LAMB1: variants seen among roughly 807,000 people sequenced by gnomAD.
LAMB1 encodes laminin subunit beta 1.
In LAMB1, 121 loss-of-function variants were observed where a neutral mutation model predicts 222.3. The ratio of observed to expected loss-of-function variants is 0.54; its 90% CI spans 0.47 to 0.63. The LOEUF is 0.63. Among genes scored for constraint, LAMB1 ranks in the 30% least tolerant of loss-of-function variants. The probability of loss-of-function intolerance (pLI) is 0.00; values close to 1 mark genes in which losing one functional copy is unlikely to be tolerated. For synonymous variants in LAMB1, 794 were observed against 807.2 expected, an observed-to-expected ratio of 0.98 and a Z score of 0.28; for missense variants, 2,172 against 2,240.8, an observed-to-expected ratio of 0.97 and a Z score of 0.62.
At chr7:107,978,016 G>T in intron 9 of LAMB1, 31 bp downstream of exon 9, 1 of 1,613,542 alleles carries the variant, frequency 6.2e-7, no homozygotes, top group Non-Finnish European at 8.5e-7. Flanking sequence ...AGCCTGAATG[G>T]ATTTAAAATG....
chr7:107,928,848 C>G (rs531449895), intron 31 of LAMB1, among the ~76,000 whole-genome samples: 1 of 151,348 alleles, frequency 6.6e-6, no homozygotes, highest in Non-Finnish European at 1.5e-5. Context: ...TGAGATGGGA[C>G]GTAATGGTCC....
intron 26 of LAMB1, 99 bp from the exon 27 acceptor site, chr7:107,935,755 T>C (rs2032833715): frequency 7.7e-7 from 1 of 1,305,182 alleles, no homozygotes; most frequent in East Asian, 2.4e-5. Flanking sequence ...CTAAATTTAC[T>C]GTAAAGTTTT....
Position 107,980,657 on chromosome 7 carries a change from G to A in LAMB1, c.831C>T (p.Ala277=). The part of the protein sequence containing the change: ...VRGNCFCYGH[A]SECAPVDGFN... ...ATCCATCCACAGGGGCACATTCGCT[G>A]GCATGACCATAGCAGAAGCAATTTC... The change falls in exon 8 of 34, where the codon GCC becomes GCT. Residue 277 remains alanine (A), a synonymous_variant. Coordinates refer to ENST00000222399, the MANE Select transcript of LAMB1 (RefSeq NM_002291.3). 6.2e-7 allele frequency: 1 copy of A among 1,614,082 alleles called. No individual in the cohort carries two copies. The highest frequency in any genetic ancestry group is 8.5e-7 in the Non-Finnish European group (1 of 1,180,000).
intron 9 of LAMB1, among the ~76,000 whole-genome samples, chr7:107,976,587 C>CCA (rs1279800180): frequency 6.6e-6 from 1 of 152,138 alleles, no homozygotes; most frequent in Non-Finnish European, 1.5e-5. Flanking sequence ...CTCCAGCCTC[C>CCA]CACCTTGCCT....
At chr7:107,932,084 A>G (rs2032723740) in intron 28 of LAMB1, 90 bp downstream of exon 28, 1 of 1,160,170 alleles carries the variant, frequency 8.6e-7, no homozygotes, top group Admixed American at 1.7e-5. Context: ...TTCAGTTAGC[A>G]TTTAGAATTG....
At chr7:107,974,606 C>A (rs982600392) in intron 12 of LAMB1, among the ~76,000 whole-genome samples, 1 of 152,130 alleles carries the variant, frequency 6.6e-6, no homozygotes, top group Non-Finnish European at 1.5e-5. Context: ...AAAGGGTATG[C>A]CCATTTCTAC....
At chr7:107,979,935 C>T (rs1026709463) in intron 8 of LAMB1, among the ~76,000 whole-genome samples, 1 of 151,996 alleles carries the variant, frequency 6.6e-6, no homozygotes, top group South Asian at 2.1e-4. Context: ...TAGCCAGATA[C>T]GGTGGCACAT....
chr7:107,993,424 A>G (rs997320413), intron 5 of LAMB1, among the ~76,000 whole-genome samples: 58 of 152,220 alleles, frequency 3.8e-4, no homozygotes, highest in African/African-American at 1.3e-3. Context: ...GTGAGCCACC[A>G]CGCCTGGCCC....
At chr7:107,985,142 G>A (rs111674676) in intron 7 of LAMB1, among the ~76,000 whole-genome samples, 2,437 of 152,152 alleles carry the variant, frequency 0.016, 68 homozygotes, top group African/African-American at 0.055. Context: ...ATCTTATATC[G>A]GATGTATTGT....
chr7:107,958,105 G>A (rs1268178414), intron 20 of LAMB1, among the ~76,000 whole-genome samples: 1 of 152,070 alleles, frequency 6.6e-6, no homozygotes, highest in African/African-American at 2.4e-5. Flanking sequence ...TTTTTCTCAT[G>A]TCTTTCTCTG....
intron 12 of LAMB1, 105 bp from the exon 13 acceptor site, chr7:107,973,176 C>T: frequency 1.1e-6 from 1 of 887,492 alleles, no homozygotes; most frequent in Middle Eastern, 2.3e-4. Context: ...ACCAAATGCT[C>T]ATTTTCATCA....
At chr7:107,926,039 A>C (rs2032555223) in intron 32 of LAMB1, 144 bp downstream of exon 32, 1 of 616,142 alleles carries the variant, frequency 1.6e-6, no homozygotes, top group Non-Finnish European at 2.9e-6. Context: ...ACACTTCTAA[A>C]GACGGCTGTT....
In LAMB1 at chr7:107,983,140, T is replaced by G. The variant is rs572930361; in HGVS notation, c.677-2329A>C. On this transcript the variant is annotated intron_variant, in intron 7 of 33. Transcript: ENST00000222399. ...ATTAAATATTTGTTTTACAAGAGAA[T>G]GAATGAGTAAATTACAGACCAGAGA... is the stretch of plus-strand genomic sequence containing the variant. 5.9e-5 allele frequency among the ~76,000 whole-genome samples: 9 copies of G among 152,310 alleles called. No homozygotes were observed. In the East Asian group the frequency reaches 1.2e-3, roughly 20 times the overall value.
intron 26 of LAMB1, among the ~76,000 whole-genome samples, chr7:107,936,056 G>A (rs1448824007): frequency 2.6e-5 from 4 of 152,198 alleles, no homozygotes; most frequent in Non-Finnish European, 1.5e-5. Flanking sequence ...TTCCACATAT[G>A]TGGATTCAAC....
intron 5 of LAMB1, among the ~76,000 whole-genome samples, chr7:107,991,462 G>A (rs71566746): frequency 4.6e-5 from 7 of 151,746 alleles, no homozygotes; most frequent in Non-Finnish European, 8.8e-5. Flanking sequence ...TGGTACATGC[G>A]TGTAATCCCA....
chr7:107,932,135 A>AAC lies in LAMB1; in HGVS notation c.4392+37_4392+38dup, dbSNP rs2032725197. On this transcript the variant is annotated intron_variant, in intron 28 of 33. Coordinates refer to ENST00000222399, the MANE Select transcript of LAMB1 (RefSeq NM_002291.3). ...ATCCTTTAGTCCACAGCTGAAAGCA[A>AAC]ACATACATAACAAAAACTGAGGCCA... 2.5e-6 allele frequency: 4 copies of AAC among 1,582,332 alleles called. No individual in the cohort carries two copies. The African/African-American group carries it at 5.4e-5, about 21-fold the overall frequency.
Position 107,980,845 on chromosome 7 carries a change from T to C in LAMB1, c.677-34A>G, listed in dbSNP as rs367786177. 42 of 1,378,328 alleles carry C rather than the reference T, an allele frequency of 3.0e-5. No homozygotes were observed. The African/African-American group carries it at 4.9e-4, about 16-fold the overall frequency. The allele number at this position is 1,378,328 out of a possible 1,614,324, so 85.4% of individuals were successfully genotyped here. On this transcript the variant is annotated intron_variant, in intron 7 of 33. Transcript: ENST00000222399. ...GTCATCAAGAAGATGAAAAGTCTGA[T>C]CAGACAAGCAAGAAGTTTTTTTTTT...
Position 107,962,682 on chromosome 7 carries a change from C to G in LAMB1, c.1857+223G>C, listed in dbSNP as rs1337431932. On this transcript the variant is annotated intron_variant, in intron 15 of 33. Coordinates refer to ENST00000222399, the MANE Select transcript of LAMB1 (RefSeq NM_002291.3). ...TGAGCCGAGATGGCACCACTGCACT[C>G]CAGCCTGGACAACAGAGCGAGACTC... 8.1e-5 allele frequency among the ~76,000 whole-genome samples: 12 copies of G among 148,532 alleles called. No individual in the cohort carries two copies. The South Asian group carries it at 2.6e-3, about 32-fold the overall frequency.
At chr7:107,950,292 C>T (rs568902717) in intron 24 of LAMB1, among the ~76,000 whole-genome samples, 5 of 150,024 alleles carry the variant, frequency 3.3e-5, no homozygotes, top group South Asian at 2.1e-4. Flanking sequence ...AACAAATATA[C>T]GAAAGAGCAC....
Sources: gnomAD v4.1 joint callset for allele counts (sites outside exome capture counted in the v4.1 genomes callset) on GRCh38, gnomAD v4.1.1 for gene constraint, MANE v1.5 for transcripts, NCBI Gene and HGNC (gene_info 2026-07-23, HGNC 2026-07-21) for gene names.